Variants in ADGRL3 observed in about 807,000 individuals in gnomAD.
ADGRL3 encodes the protein adhesion G protein-coupled receptor L3.
Under a neutral mutation model 153.5 loss-of-function variants are expected in ADGRL3, and 62 were observed. The ratio of observed to expected loss-of-function variants is 0.40; its 90% CI spans 0.33 to 0.50. The LOEUF is 0.50. Among genes scored for constraint, ADGRL3 ranks in the 20% least tolerant of loss-of-function variants. The pLI, the probability that ADGRL3 is intolerant of heterozygous loss-of-function variation, is 0.47. For missense variants in ADGRL3, 1,641 were observed against 1,859.4 expected, an observed-to-expected ratio of 0.88 and a Z score of 2.16; for synonymous variants, 710 against 672.5, an observed-to-expected ratio of 1.06 and a Z score of -0.86.
chr4:61,861,950 C>T (rs540748775), intron 9 of ADGRL3, among the ~76,000 whole-genome samples: 56 of 152,214 alleles, frequency 3.7e-4, no homozygotes, highest in African/African-American at 1.3e-3. Flanking sequence ...GGGAGTGTCC[C>T]AGATGAAAGC....
At position 61,777,700 on chromosome 4, in the gene ADGRL3, A is replaced by G. The variant is rs574168423; in HGVS notation, c.1400-36109A>G. Reference sequence around the variant, plus strand: ...ACACACAAATTCCCGGGAAAGTGCCAAAGTACTACTGTGAAAATAAAACTG... The same window carrying G: ...ACACACAAATTCCCGGGAAAGTGCCGAAGTACTACTGTGAAAATAAAACTG... On this transcript the variant is annotated intron_variant, in intron 8 of 26. Coordinates refer to ENST00000683033, the MANE Select transcript of ADGRL3 (RefSeq NM_001387552.1). Among the ~76,000 whole-genome samples, 386 of 152,292 alleles carry G rather than the reference A, an allele frequency of 2.5e-3. 2 individuals carry two copies. The highest frequency in any genetic ancestry group is 8.7e-3 in the African/African-American group (361 of 41,570).
intron 13 of ADGRL3, among the ~76,000 whole-genome samples, chr4:61,924,589 T>G (rs890806348): frequency 2.6e-5 from 4 of 152,158 alleles, no homozygotes; most frequent in Admixed American, 2.0e-4. Context: ...TCAGTTAAAG[T>G]GGTTGAGCCC....
intron 1 of ADGRL3, among the ~76,000 whole-genome samples, chr4:61,328,880 A>T (rs188574586): frequency 6.8e-4 from 104 of 152,234 alleles, no homozygotes; most frequent in East Asian, 4.3e-3. Flanking sequence ...CTGAAAATTG[A>T]TCTCCATTCA....
intron 6 of ADGRL3, among the ~76,000 whole-genome samples, chr4:61,729,329 G>A (rs2096401631): frequency 6.6e-6 from 1 of 151,858 alleles, no homozygotes; most frequent in Non-Finnish European, 1.5e-5. Flanking sequence ...TTTCCTTGGT[G>A]AGATTGAGGA....
chr4:61,654,284 T>A (rs987632039), intron 5 of ADGRL3, among the ~76,000 whole-genome samples: 2 of 152,122 alleles, frequency 1.3e-5, no homozygotes, highest in Non-Finnish European at 2.9e-5. Flanking sequence ...TATTTAAAAA[T>A]TTTTGAATTT....
At chr4:61,544,912 A>AT (rs1560815953) in intron 4 of ADGRL3, among the ~76,000 whole-genome samples, 1 of 152,088 alleles carries the variant, frequency 6.6e-6, no homozygotes, top group South Asian at 2.1e-4. Context: ...ATTAACAAGT[A>AT]TTTTTTTCTT....
rs548948818 is a variant in ADGRL3, at chr4:62,004,206, C to T, written c.3395+5941C>T. 9.9e-5 allele frequency among the ~76,000 whole-genome samples: 15 copies of T among 151,970 alleles called. 1 individual carries two copies. In the South Asian group the frequency reaches 2.7e-3, roughly 27 times the overall value. ...AGAATATTTTAATGCTTTAATTTTT[C>T]AATTTCACATTAATATAATGTATAT... On this transcript the variant is annotated intron_variant, in intron 21 of 26. Transcript: ENST00000683033.
At chr4:61,718,870 G>A (rs1195376170) in intron 6 of ADGRL3, among the ~76,000 whole-genome samples, 1 of 152,112 alleles carries the variant, frequency 6.6e-6, no homozygotes, top group African/African-American at 2.4e-5. Flanking sequence ...GAATAATGTG[G>A]TCATTTGTTT....
At chr4:61,310,274 G>T (rs1476122432) in intron 1 of ADGRL3, among the ~76,000 whole-genome samples, 2 of 151,848 alleles carry the variant, frequency 1.3e-5, no homozygotes, top group Non-Finnish European at 2.9e-5. Context: ...ACCACTCAGT[G>T]ATTATTTATT....
At chr4:61,421,100 C>T (rs567266918) in intron 2 of ADGRL3, among the ~76,000 whole-genome samples, 11 of 152,108 alleles carry the variant, frequency 7.2e-5, no homozygotes, top group South Asian at 6.2e-4. Flanking sequence ...CACCTGAGGC[C>T]GAGGTGGGCG....
Position 61,209,038 on chromosome 4 carries a change from A to G in ADGRL3, c.-240+7273A>G, listed in dbSNP as rs112812435. Among the ~76,000 whole-genome samples the G allele has an allele frequency of 9.9e-3, 1,501 of 152,270 alleles. 20 individuals carry two copies. Among genetic ancestry groups the G allele is most frequent in the African/African-American group, 0.035 (1,435 of 41,566 alleles). Reference sequence around the variant, plus strand: ...TTAAATGAGACTTTGGCAACTATTTAAGAACTTTAAGTTATAGATGTATTT... The same window carrying G: ...TTAAATGAGACTTTGGCAACTATTTGAGAACTTTAAGTTATAGATGTATTT... On this transcript the variant is annotated intron_variant, in intron 1 of 26. Transcript: ENST00000683033.
intron 1 of ADGRL3, among the ~76,000 whole-genome samples, chr4:61,380,709 G>A (rs545916923): frequency 6.6e-6 from 1 of 152,004 alleles, no homozygotes; most frequent in Non-Finnish European, 1.5e-5. Flanking sequence ...AAGTAATGAA[G>A]CTATGAACAT....
intron 4 of ADGRL3, among the ~76,000 whole-genome samples, chr4:61,538,638 C>T (rs1278720737): frequency 1.3e-5 from 2 of 152,078 alleles, no homozygotes; most frequent in Non-Finnish European, 2.9e-5. Flanking sequence ...GACAGGGTTT[C>T]TCCATGTTGG....
intron 6 of ADGRL3, among the ~76,000 whole-genome samples, chr4:61,695,202 T>C (rs930755864): frequency 3.9e-5 from 6 of 152,218 alleles, no homozygotes; most frequent in Non-Finnish European, 5.9e-5. Context: ...TAATTTACTT[T>C]GTTCACATCA....
chr4:61,863,728 A>G (rs192768434), intron 9 of ADGRL3, among the ~76,000 whole-genome samples: 6 of 152,346 alleles, frequency 3.9e-5, no homozygotes, highest in South Asian at 2.1e-4. Flanking sequence ...TTGTAACTTT[A>G]AGGTAATAAC....
intron 2 of ADGRL3, among the ~76,000 whole-genome samples, chr4:61,455,786 A>G (rs2097727927): frequency 6.6e-6 from 1 of 152,018 alleles, no homozygotes; most frequent in Non-Finnish European, 1.5e-5. Context: ...GTAAGAATAA[A>G]TGTTCTCAGA....
chr4:61,872,365 GCCTGCCAACATA>G (rs1486370525), intron 9 of ADGRL3, among the ~76,000 whole-genome samples: 2 of 151,188 alleles, frequency 1.3e-5, no homozygotes, highest in Non-Finnish European at 1.5e-5. Context: ...AGAGAATAAT[GCCTGCCAACATA>G]CCATTTCTTC....
intron 11 of ADGRL3, among the ~76,000 whole-genome samples, chr4:61,903,599 A>G (rs1347950413): frequency 7.0e-6 from 1 of 142,964 alleles, no homozygotes; most frequent in African/African-American, 2.6e-5. Context: ...CCAGGAGTTC[A>G]AGGCTGCAGT....
At chr4:61,884,884 C>G (rs2098528955) in intron 9 of ADGRL3, among the ~76,000 whole-genome samples, 1 of 151,526 alleles carries the variant, frequency 6.6e-6, no homozygotes, top group African/African-American at 2.4e-5. Flanking sequence ...CTCGGCCTCC[C>G]AAAGTGCTGG....
Sources: allele counts gnomAD v4.1 joint callset (sites outside exome capture counted in the v4.1 genomes callset), GRCh38; gene constraint gnomAD v4.1.1; transcripts MANE v1.5; gene names NCBI Gene and HGNC (gene_info 2026-07-23, HGNC 2026-07-21).